GSDMC: variants seen among roughly 807,000 people sequenced by gnomAD.
GSDMC encodes the protein gasdermin-C.
GSDMC carries 59 observed loss-of-function variants against 58.0 expected under a neutral mutation model. The observed-to-expected ratio is 1.02, with a 90% CI of 0.82 to 1.26. The LOEUF is 1.26. Ranked by LOEUF, GSDMC falls within the 50% of genes most tolerant of loss-of-function variation. The probability of loss-of-function intolerance (pLI) is 0.00; values close to 1 mark genes in which losing one functional copy is unlikely to be tolerated. For missense variants in GSDMC, 659 were observed against 598.5 expected, an observed-to-expected ratio of 1.10 and a Z score of -1.06; for synonymous variants, 241 against 220.2, an observed-to-expected ratio of 1.09 and a Z score of -0.83.
chr8:129,767,533 CTA>C (rs58643014), intron 3 of GSDMC, among the ~76,000 whole-genome samples: 29,488 of 152,180 alleles, frequency 0.19, 2,959 homozygotes, highest in African/African-American at 0.22. Flanking sequence ...CCACACAGAG[CTA>C]CACATGTGGG....
downstream of GSDMC, among the ~76,000 whole-genome samples, chr8:129,747,780 C>T (rs1226781610): frequency 2.0e-5 from 3 of 152,154 alleles, no homozygotes; most frequent in East Asian, 5.8e-4. Context: ...TATGGTGAGT[C>T]GGCTGGACTG....
chr8:129,723,397 C>A, the GSDMC span, among the ~76,000 whole-genome samples: 1 of 150,400 alleles, frequency 6.6e-6, no homozygotes, highest in Admixed American at 6.6e-5. Flanking sequence ...TGTGCCACCA[C>A]GCCTGGCTAT....
rs997741728 is a variant in GSDMC, at chr8:129,751,554, G to T, written c.931C>A (p.Pro311Thr). The change falls in exon 10 of 14, where the codon CCC becomes ACC. Residue 311 changes from proline to threonine, a missense_variant. Pro to Thr is a conservative substitution (Grantham distance 38, BLOSUM62 -1). Transcript: ENST00000276708. ...AATAAATACTTACTTTGCCAGAAGG[G>T]TTCCTCTATTCTTCCTAGAAGGAGA... is the stretch of plus-strand genomic sequence containing the variant. Reference protein sequence around the residue: ...HILPVGRIEEPFWQNFKHLQE... With the variant: ...HILPVGRIEETFWQNFKHLQE... 2.5e-6 allele frequency: 4 copies of T among 1,611,662 alleles called. No homozygotes were observed. The highest frequency in any genetic ancestry group is 3.3e-5 in the Admixed American group (2 of 59,824).
chr8:129,771,390 A>T (rs1300685300), intron 3 of GSDMC, among the ~76,000 whole-genome samples: 3 of 152,220 alleles, frequency 2.0e-5, no homozygotes, highest in Non-Finnish European at 1.5e-5. Context: ...GAGCACATGG[A>T]ACATTCTCCA....
chr8:129,710,639 G>C, the GSDMC span, among the ~76,000 whole-genome samples: 43 of 152,284 alleles, frequency 2.8e-4, no homozygotes, highest in African/African-American at 1.0e-3. Context: ...GAATGTGACA[G>C]CCTGAAAGAG....
chr8:129,782,537 A>C (rs1001956131), intron 1 of GSDMC, among the ~76,000 whole-genome samples: 1 of 152,016 alleles, frequency 6.6e-6, no homozygotes, highest in African/African-American at 2.4e-5. Context: ...ATTACAACTG[A>C]TATTGCAGGA....
chr8:129,732,719 C>T, the GSDMC span, among the ~76,000 whole-genome samples: 96 of 152,314 alleles, frequency 6.3e-4, no homozygotes, highest in African/African-American at 1.7e-3. Context: ...GGAACAGCAC[C>T]GGTCTGCAGT....
intron 3 of GSDMC, 22 bp downstream of exon 3, chr8:129,776,080 C>T (rs1386348568): frequency 6.3e-7 from 1 of 1,586,360 alleles, no homozygotes; most frequent in South Asian, 1.1e-5. Flanking sequence ...TGATCCATCC[C>T]CTTCCTCTCC....
chr8:129,723,419 C>CTTTTTTTTTTTTTTTTTTTTTTTT, the GSDMC span, among the ~76,000 whole-genome samples: 1 of 133,356 alleles, frequency 7.5e-6, no homozygotes, highest in Non-Finnish European at 1.6e-5. Flanking sequence ...TTTTCTTCTC[C>CTTTTTTTTTTTTTTTTTTTTTTTT]TTTTTTTTTT....
At chr8:129,709,602 A>AGATAGATAGAT in the GSDMC span, among the ~76,000 whole-genome samples, 1 of 150,724 alleles carries the variant, frequency 6.6e-6, no homozygotes, top group Admixed American at 6.6e-5. Flanking sequence ...ATAGATAGAT[A>AGATAGATAGAT]GATAGATAGA....
chr8:129,752,989 C>T (rs2130357393), intron 6 of GSDMC, 169 bp from the exon 7 acceptor site: 3 of 1,260,110 alleles, frequency 2.4e-6, no homozygotes, highest in Admixed American at 2.8e-5. Context: ...TCTTTCAGAA[C>T]TCAAGTTTCT....
intron 6 of GSDMC, among the ~76,000 whole-genome samples, chr8:129,753,470 A>G (rs920464003): frequency 1.3e-5 from 2 of 152,160 alleles, no homozygotes; most frequent in African/African-American, 2.4e-5. Flanking sequence ...ATACAGAACC[A>G]TTGGGCCCTA....
chr8:129,728,859 G>T, the GSDMC span: 3 of 625,286 alleles, frequency 4.8e-6, no homozygotes, highest in Admixed American at 2.2e-5. Flanking sequence ...GAGGCTGTTC[G>T]CCTGGGGCGG....
At chr8:129,766,396 T>C (rs2033862699) in intron 3 of GSDMC, among the ~76,000 whole-genome samples, 1 of 152,214 alleles carries the variant, frequency 6.6e-6, no homozygotes, top group African/African-American at 2.4e-5. Flanking sequence ...CAGTTCTTTC[T>C]GAAGTTCAAC....
the GSDMC span, among the ~76,000 whole-genome samples, chr8:129,736,675 C>T: frequency 5.9e-5 from 9 of 152,248 alleles, no homozygotes; most frequent in South Asian, 1.7e-3. Flanking sequence ...AAACCCACAG[C>T]CAATATCATA....
At chr8:129,722,874 G>A in the GSDMC span, 2 of 152,102 alleles carry the variant, frequency 1.3e-5, no homozygotes, top group South Asian at 4.1e-4. Flanking sequence ...CGAAAATTTT[G>A]AGAATTAAGC....
At chr8:129,714,816 T>C in the GSDMC span, among the ~76,000 whole-genome samples, 3 of 152,030 alleles carry the variant, frequency 2.0e-5, no homozygotes, top group East Asian at 1.9e-4. Context: ...GGAATAAAAC[T>C]TTGGAATTAA....
intron 3 of GSDMC, among the ~76,000 whole-genome samples, chr8:129,772,295 A>C (rs2034087299): frequency 6.6e-6 from 1 of 151,780 alleles, no homozygotes; most frequent in Admixed American, 6.6e-5. Context: ...GAGCAGAATA[A>C]ATTAAATGGA....
intron 2 of GSDMC, 22 bp from the exon 3 acceptor site, chr8:129,776,307 A>G (rs376422853): frequency 2.0e-5 from 31 of 1,565,390 alleles, no homozygotes; most frequent in Non-Finnish European, 2.5e-5. Flanking sequence ...AAAGACGACC[A>G]TAGGTTTAGC....
Sources: gnomAD v4.1 joint callset for allele counts (sites outside exome capture counted in the v4.1 genomes callset) on GRCh38, gnomAD v4.1.1 for gene constraint, MANE v1.5 for transcripts, NCBI Gene and HGNC (gene_info 2026-07-23, HGNC 2026-07-21) for gene names.